Variants in GREB1L observed in about 807,000 individuals in gnomAD.
GREB1L encodes the protein GREB1-like protein.
A neutral mutation model predicts 200.8 loss-of-function variants in GREB1L; 17 were observed. The observed-to-expected ratio is 0.08, with a 90% CI of 0.06 to 0.13. GREB1L has a LOEUF of 0.13. GREB1L is among the 10% of genes least tolerant of loss of function. The pLI is 1.00. For synonymous variants in GREB1L, 789 were observed against 893.0 expected, an observed-to-expected ratio of 0.88 and a Z score of 2.08; for missense variants, 1,657 against 2,367.7, an observed-to-expected ratio of 0.70 and a Z score of 6.23.
intron 1 of GREB1L, among the ~76,000 whole-genome samples, chr18:21,244,593 G>A (rs1321793912): frequency 1.3e-5 from 2 of 152,158 alleles, no homozygotes; most frequent in Non-Finnish European, 2.9e-5. Flanking sequence ...CCTAAAACTG[G>A]CTAAAGATAA....
chr18:21,397,491 C>T (rs1435654058), intron 5 of GREB1L, among the ~76,000 whole-genome samples: 1 of 147,512 alleles, frequency 6.8e-6, no homozygotes, highest in Non-Finnish European at 1.5e-5. Context: ...CGCCACTGCA[C>T]TCCAGCCTGG....
At chr18:21,347,838 C>T (rs1032462679) in intron 1 of GREB1L, among the ~76,000 whole-genome samples, 2 of 148,052 alleles carry the variant, frequency 1.4e-5, no homozygotes, top group Admixed American at 1.4e-4. Flanking sequence ...ACAATCTCGG[C>T]TCACTGCAAT....
At chr18:21,498,460 G>GTAAAGGTTCACAGA (rs1281835392) in intron 21 of GREB1L, among the ~76,000 whole-genome samples, 1 of 152,158 alleles carries the variant, frequency 6.6e-6, no homozygotes, top group Non-Finnish European at 1.5e-5. Flanking sequence ...TTGAAGGATA[G>GTAAAGGTTCACAGA]TAAAGGTTCA....
At chr18:21,343,664 T>A (rs1425705829) in intron 1 of GREB1L, among the ~76,000 whole-genome samples, 1 of 151,548 alleles carries the variant, frequency 6.6e-6, no homozygotes, top group Admixed American at 6.6e-5. Context: ...AATGGCCGCA[T>A]ACCAGGGTGG....
intron 1 of GREB1L, among the ~76,000 whole-genome samples, chr18:21,262,681 A>G (rs565652589): frequency 6.6e-6 from 1 of 152,282 alleles, no homozygotes; most frequent in African/African-American, 2.4e-5. Flanking sequence ...GTAGTTTGTC[A>G]TTGTAATTGT....
At chr18:21,416,311 A>C (rs1263177821) in intron 7 of GREB1L, among the ~76,000 whole-genome samples, 3 of 152,178 alleles carry the variant, frequency 2.0e-5, no homozygotes, top group Non-Finnish European at 4.4e-5. Flanking sequence ...CAAGCAGCCT[A>C]ATATACTAGT....
At chr18:21,492,160 C>A (rs1469132785) in intron 19 of GREB1L, among the ~76,000 whole-genome samples, 2 of 152,004 alleles carry the variant, frequency 1.3e-5, no homozygotes, top group African/African-American at 2.4e-5. Flanking sequence ...CCCTGGCTAA[C>A]ACGGTGAAAC....
At chr18:21,340,564 A>AC (rs1228151965) in intron 1 of GREB1L, among the ~76,000 whole-genome samples, 1 of 149,500 alleles carries the variant, frequency 6.7e-6, no homozygotes, top group Non-Finnish European at 1.5e-5. Flanking sequence ...TTTTTTTGAG[A>AC]CGGAGTCTTG....
chr18:21,290,714 C>T (rs2038434073), intron 1 of GREB1L, among the ~76,000 whole-genome samples: 1 of 151,550 alleles, frequency 6.6e-6, no homozygotes, highest in Admixed American at 6.6e-5. Context: ...ATCCTAGCTA[C>T]TCAGGAAGCT....
At chr18:21,253,606 TAAATG>T (rs1488602782) in intron 1 of GREB1L, among the ~76,000 whole-genome samples, 1 of 152,168 alleles carries the variant, frequency 6.6e-6, no homozygotes, top group Non-Finnish European at 1.5e-5. Context: ...TTAGAGAAAT[TAAATG>T]TAATGTGTTT....
At chr18:21,410,294 C>T (rs1426029283) in intron 7 of GREB1L, among the ~76,000 whole-genome samples, 3 of 151,968 alleles carry the variant, frequency 2.0e-5, no homozygotes, top group Non-Finnish European at 4.4e-5. Flanking sequence ...GTAGGCTCTT[C>T]CTCTGTAGAA....
At chr18:21,454,262 T>G in intron 14 of GREB1L, 104 bp from the exon 15 acceptor site, 1 of 711,518 alleles carries the variant, frequency 1.4e-6, no homozygotes, top group South Asian at 1.9e-5. Context: ...GTAGTGAGAG[T>G]GTATTACATT....
At chr18:21,481,403 C>T (rs2035907444) in intron 17 of GREB1L, among the ~76,000 whole-genome samples, 1 of 150,006 alleles carries the variant, frequency 6.7e-6, no homozygotes, top group Non-Finnish European at 1.5e-5. Context: ...ACTTATTATA[C>T]AGGCATTAAG....
intron 1 of GREB1L, among the ~76,000 whole-genome samples, chr18:21,318,223 G>A (rs1215645036): frequency 6.6e-6 from 1 of 152,086 alleles, no homozygotes; most frequent in Non-Finnish European, 1.5e-5. Context: ...TTCAGAACTT[G>A]GTATGTAGAA....
intron 1 of GREB1L, among the ~76,000 whole-genome samples, chr18:21,298,399 CACTT>C (rs1159608812): frequency 6.6e-6 from 1 of 152,128 alleles, no homozygotes; most frequent in Non-Finnish European, 1.5e-5. Context: ...TCTAATAACT[CACTT>C]AGAGTTTATT....
In GREB1L at chr18:21,525,012, G is replaced by GTGTGTATATATATATATATATATA. The variant is rs55641891; in HGVS notation, c.*2192_*2193insGTGTATATATATATATATATATAT. ...AAGCACAGGACACCATGATTTGTGT[G>GTGTGTATATATATATATATATATA]TATATATATATATATCCTAGTGTGT... On this transcript the variant is annotated 3_prime_UTR_variant, in exon 33 of 33. Coordinates refer to ENST00000424526, the MANE Select transcript of GREB1L (RefSeq NM_001142966.3). 2.3e-4 allele frequency: 33 copies of GTGTGTATATATATATATATATATA among 145,122 alleles called. No homozygotes were observed. Among genetic ancestry groups the GTGTGTATATATATATATATATATA allele is most frequent in the African/African-American group, 4.7e-4 (19 of 40,128 alleles). The allele number at this position is 145,122 out of a possible 1,614,324, so 9.0% of individuals were successfully genotyped here.
rs1258687933 is a variant in GREB1L at position 21,470,891 on chromosome 18, A to G, written c.2183-2140A>G. 3.9e-5 allele frequency among the ~76,000 whole-genome samples: 6 copies of G among 152,116 alleles called. No homozygotes were observed. In the South Asian group the frequency reaches 6.2e-4, roughly 16 times the overall value. On this transcript the variant is annotated intron_variant, in intron 15 of 32. Transcript: ENST00000424526. ...AGTATCTATCACTTTCATTATGAGG[A>G]AAAAAAACAAAAATAAAAGCAAGTC...
At chr18:21,386,653 G>A (rs1171052993) in intron 4 of GREB1L, among the ~76,000 whole-genome samples, 4 of 125,892 alleles carry the variant, frequency 3.2e-5, no homozygotes, top group East Asian at 5.2e-4. Flanking sequence ...ACAGGCGCCC[G>A]CTAACATGCC....
intron 1 of GREB1L, among the ~76,000 whole-genome samples, chr18:21,357,488 C>A (rs1483646768): frequency 2.6e-5 from 4 of 152,172 alleles, no homozygotes; most frequent in African/African-American, 9.7e-5. Context: ...TAATTTGATG[C>A]AATCTCATTT....
Sources: allele counts gnomAD v4.1 joint callset (sites outside exome capture counted in the v4.1 genomes callset), GRCh38; gene constraint gnomAD v4.1.1; transcripts MANE v1.5; gene names NCBI Gene and HGNC (gene_info 2026-07-23, HGNC 2026-07-21).